SYNE1: variants seen among roughly 807,000 people sequenced by gnomAD.
The protein encoded by SYNE1 is spectrin repeat containing nuclear envelope protein 1.
A neutral mutation model predicts 1,111.0 loss-of-function variants in SYNE1; 616 were observed. The observed-to-expected ratio is 0.55, with a 90% CI of 0.52 to 0.59. The LOEUF is 0.59. SYNE1 is among the 20% of genes least tolerant of loss of function. The pLI is 0.00. For missense variants in SYNE1, 10,006 were observed against 10,417.0 expected (o/e 0.96, Z 1.72); for synonymous variants, 3,855 against 3,825.8 (o/e 1.01, Z -0.28).
chr6:152,387,032 A>G, intron 54 of SYNE1, 40 bp downstream of exon 54: 1 of 1,527,602 alleles, frequency 6.5e-7, no homozygotes, highest in South Asian at 1.2e-5. Flanking sequence ...TATTGTATTA[A>G]TGTATTATAA....
At chr6:152,583,646 C>T (rs2099527696) in intron 3 of SYNE1, among the ~76,000 whole-genome samples, 1 of 152,158 alleles carries the variant, frequency 6.6e-6, no homozygotes, top group Non-Finnish European at 1.5e-5. Flanking sequence ...TACCTCAAAT[C>T]CCCCTATCAG....
chr6:152,600,237 AG>A (rs2099592944), intron 3 of SYNE1, among the ~76,000 whole-genome samples: 1 of 152,208 alleles, frequency 6.6e-6, no homozygotes, highest in South Asian at 2.1e-4. Context: ...CGAGAGGCTA[AG>A]GAACAGTTGC....
intron 16 of SYNE1, among the ~76,000 whole-genome samples, chr6:152,468,884 T>G (rs1406539710): frequency 1.3e-5 from 2 of 152,164 alleles, no homozygotes; most frequent in Non-Finnish European, 2.9e-5. Flanking sequence ...CAAGCCATCC[T>G]CCTGCCTCAG....
chr6:152,296,008 CTT>C (rs2094862052), intron 93 of SYNE1, among the ~76,000 whole-genome samples: 1 of 152,210 alleles, frequency 6.6e-6, no homozygotes, highest in Admixed American at 6.5e-5. Flanking sequence ...ATCCTAATTT[CTT>C]TGTTTTCTCC....
At chr6:152,190,730 G>C (rs987057794) in intron 127 of SYNE1, among the ~76,000 whole-genome samples, 29 of 152,230 alleles carry the variant, frequency 1.9e-4, no homozygotes, top group African/African-American at 7.0e-4. Context: ...ACCCTCCCAA[G>C]CTCTGGTAAC....
At chr6:152,530,773 C>T (rs2099194604) in intron 4 of SYNE1, among the ~76,000 whole-genome samples, 1 of 152,004 alleles carries the variant, frequency 6.6e-6, no homozygotes, top group African/African-American at 2.4e-5. Context: ...AGGCGCCCAC[C>T]ACCACACCCA....
rs1350005154 is a variant in SYNE1 at position 152,461,692 on chromosome 6, T to G, written c.2299A>C (p.Thr767Pro). Residue 767 changes from threonine (T) to proline (P), a missense_variant, in exon 21 of 146, where the codon ACA becomes CCA. Transcript: ENST00000367255. Reference protein sequence around the residue: ...PVMDAQYKIITKTAHLITKES... With the variant: ...PVMDAQYKIIPKTAHLITKES... ...TTGGTAATGAGGTGTGCTGTCTTTG[T>G]AATTATCTTGTATTGGGCATCCATC... The G allele has an allele frequency of 4.3e-6, 7 of 1,613,926 alleles. No homozygotes were observed. In the Admixed American group the frequency reaches 1.2e-4, roughly 27 times the overall value.
intron 2 of SYNE1, among the ~76,000 whole-genome samples, chr6:152,631,407 A>G (rs2758802): frequency 0.77 from 117,526 of 152,020 alleles, 45,997 homozygotes; most frequent in African/African-American, 0.9. Context: ...GGTGGTGTCC[A>G]GATGGCGCAG....
chr6:152,440,693 G>A lies in SYNE1; in HGVS notation c.4149+437C>T, dbSNP rs557962475. ...AGCGATTCTCCTGCCTCAGCCTCCCGAGTAGCTGGGACTACAGGTGTGTGT... is the reference window on the plus strand; with the variant it reads ...AGCGATTCTCCTGCCTCAGCCTCCCAAGTAGCTGGGACTACAGGTGTGTGT... On this transcript the variant is annotated intron_variant, in intron 32 of 145. Coordinates refer to ENST00000367255, the MANE Select transcript of SYNE1 (RefSeq NM_182961.4). Among the ~76,000 whole-genome samples the A allele has an allele frequency of 7.3e-5, 11 of 150,328 alleles. No homozygotes were observed. The South Asian group carries it at 1.5e-3, about 20-fold the overall frequency.
rs116600265 is a variant in SYNE1 at position 152,413,447 on chromosome 6, A to C, written c.6135T>G (p.Ile2045Met). Residue 2045 changes from isoleucine (I) to methionine (M), a missense_variant, in exon 42 of 146, where the codon ATT (isoleucine) becomes ATG (methionine). Transcript: ENST00000367255. ...LCWLKDKAKQ[I>M]AQKDVAFAPE... ...GTGCAAAAGCTACATCTTTCTGGGC[A>C]ATTTGCTTGGCTTTGTCTTTCAACC... 6.9e-4 allele frequency: 1,111 copies of C among 1,614,122 alleles called. 7 individuals carry two copies. The African/African-American group carries it at 0.012, about 18-fold the overall frequency.
chr6:152,258,789 G>A (rs2091430234), intron 101 of SYNE1, among the ~76,000 whole-genome samples: 1 of 150,436 alleles, frequency 6.6e-6, no homozygotes, highest in South Asian at 2.1e-4. Context: ...CCATCGCCCA[G>A]GCTGGAGTGT....
At chr6:152,138,418 G>A (rs879788256) in intron 140 of SYNE1, among the ~76,000 whole-genome samples, 1 of 151,920 alleles carries the variant, frequency 6.6e-6, no homozygotes. Flanking sequence ...GGCCGAGGCA[G>A]GAGAAACGCT....
intron 51 of SYNE1, among the ~76,000 whole-genome samples, chr6:152,392,361 A>C (rs2097657389): frequency 6.6e-6 from 1 of 152,098 alleles, no homozygotes; most frequent in Non-Finnish European, 1.5e-5. Context: ...GAGCCATGTT[A>C]ATTAGATCAA....
At chr6:152,479,299 T>C (rs1197298536) in intron 14 of SYNE1, among the ~76,000 whole-genome samples, 2 of 152,090 alleles carry the variant, frequency 1.3e-5, no homozygotes, top group Admixed American at 6.5e-5. Context: ...AATAAAATCT[T>C]CAAGAAAGGA....
chr6:152,633,155 G>A (rs950479683), intron 2 of SYNE1, among the ~76,000 whole-genome samples: 23 of 152,150 alleles, frequency 1.5e-4, no homozygotes, highest in Admixed American at 1.2e-3. Flanking sequence ...AGGATACTGC[G>A]GGAGCACGAA....
chr6:152,429,759 A>G (rs969740519), intron 36 of SYNE1, among the ~76,000 whole-genome samples: 1 of 152,182 alleles, frequency 6.6e-6, no homozygotes, highest in African/African-American at 2.4e-5. Context: ...TTAAAATATG[A>G]AGACAGCTAT....
chr6:152,557,605 A>G (rs957016323), intron 3 of SYNE1, among the ~76,000 whole-genome samples: 10 of 152,204 alleles, frequency 6.6e-5, no homozygotes, highest in African/African-American at 2.4e-4. Context: ...ACTCCGTAAG[A>G]TTACAAGCAG....
At chr6:152,303,938 A>C (rs1343421755) in intron 91 of SYNE1, among the ~76,000 whole-genome samples, 1 of 151,972 alleles carries the variant, frequency 6.6e-6, no homozygotes, top group Non-Finnish European at 1.5e-5. Context: ...TTTTGTTATT[A>C]TTGTTGTTTT....
intron 2 of SYNE1, among the ~76,000 whole-genome samples, chr6:152,629,552 A>T (rs911035340): frequency 1.2e-4 from 2 of 16,156 alleles, no homozygotes; most frequent in Non-Finnish European, 2.1e-4. Flanking sequence ...GGAGGGGAGG[A>T]GGGGGTGCAG....
Sources: gnomAD v4.1 joint callset for allele counts (sites outside exome capture counted in the v4.1 genomes callset) on GRCh38, gnomAD v4.1.1 for gene constraint, MANE v1.5 for transcripts, NCBI Gene and HGNC (gene_info 2026-07-23, HGNC 2026-07-21) for gene names.